The following ARHGAP24 variants were observed in gnomAD, a reference collection of about 807,000 sequenced individuals.
ARHGAP24 encodes Rho GTPase activating protein 24, also known as rho GTPase-activating protein 24.
A neutral mutation model predicts 76.4 loss-of-function variants in ARHGAP24; 50 were observed. The observed-to-expected ratio is 0.65, with a 90% confidence interval of 0.52 to 0.83. ARHGAP24 has a LOEUF of 0.83. Among genes scored for constraint, ARHGAP24 ranks in the 40% least tolerant of loss-of-function variants. ARHGAP24 has a pLI of 0.00. For missense variants in ARHGAP24, 930 were observed against 914.2 expected, an observed-to-expected ratio of 1.02 and a Z score of -0.22; for synonymous variants, 345 against 323.3, an observed-to-expected ratio of 1.07 and a Z score of -0.72.
chr4:85,988,198 G>A (rs780707965), intron 8 of ARHGAP24, among the ~76,000 whole-genome samples: 86 of 151,766 alleles, frequency 5.7e-4, no homozygotes, highest in Non-Finnish European at 1.0e-3. Flanking sequence ...GTGGCAGAAG[G>A]AATATGAGTC....
chr4:85,983,674 T>C (rs904399085), intron 8 of ARHGAP24, among the ~76,000 whole-genome samples: 1 of 152,104 alleles, frequency 6.6e-6, no homozygotes, highest in Non-Finnish European at 1.5e-5. Context: ...GAAAGTTGTT[T>C]TAAAGTACTC....
chr4:85,897,592 G>C (rs946465406), intron 3 of ARHGAP24, among the ~76,000 whole-genome samples: 1 of 152,152 alleles, frequency 6.6e-6, no homozygotes, highest in African/African-American at 2.4e-5. Flanking sequence ...AAAATTAAAA[G>C]GGCTATGAAG....
intron 3 of ARHGAP24, among the ~76,000 whole-genome samples, chr4:85,749,945 T>TCAG (rs1305573652): frequency 7.5e-4 from 114 of 151,764 alleles, no homozygotes; most frequent in African/African-American, 2.7e-3. Flanking sequence ...CTCTGTGGTC[T>TCAG]CAGCAGCAGC....
chr4:85,732,559 C>G (rs1725445347), intron 3 of ARHGAP24, among the ~76,000 whole-genome samples: 1 of 152,056 alleles, frequency 6.6e-6, no homozygotes, highest in South Asian at 2.1e-4. Context: ...ATAATGCATC[C>G]CTAGGACTGT....
Position 85,535,679 on chromosome 4 carries a change from A to G in ARHGAP24, c.-20-34843A>G, listed in dbSNP as rs145315353. Among the ~76,000 whole-genome samples, 1,477 of 152,236 alleles carry G rather than the reference A, an allele frequency of 9.7e-3. 13 individuals are homozygous for G. The highest frequency in any genetic ancestry group is 0.019 in the East Asian group (98 of 5,180). On this transcript the variant is annotated intron_variant, in intron 1 of 9. Coordinates refer to ENST00000395184, the MANE Select transcript of ARHGAP24 (RefSeq NM_001025616.3). ...TTCTTTCCCTCTTCTGCACTCTAAC[A>G]AAGAGACTACGGTGGAGTTTATAGA... is the stretch of plus-strand genomic sequence containing the variant.
chr4:85,887,503 A>G (rs1733626458), intron 3 of ARHGAP24, among the ~76,000 whole-genome samples: 1 of 152,188 alleles, frequency 6.6e-6, no homozygotes, highest in Non-Finnish European at 1.5e-5. Flanking sequence ...TTCCTGCTCT[A>G]TGGATTGGGA....
At chr4:85,761,474 G>A (rs1024025761) in intron 3 of ARHGAP24, among the ~76,000 whole-genome samples, 13 of 152,118 alleles carry the variant, frequency 8.5e-5, no homozygotes, top group African/African-American at 2.2e-4. Context: ...TTCTCCTATT[G>A]ATTCCTCCAA....
rs376951194 is a variant in ARHGAP24, at chr4:85,518,231, G to C, written c.-21+42672G>C. Reference sequence around the variant, plus strand: ...AGCTCAGATAATTAAATATGAAAAAGAATTGGTGCTTAGAGGCAGAAAATC... The same window carrying C: ...AGCTCAGATAATTAAATATGAAAAACAATTGGTGCTTAGAGGCAGAAAATC... On this transcript the variant is annotated intron_variant, in intron 1 of 9. Coordinates refer to ENST00000395184, the MANE Select transcript of ARHGAP24 (RefSeq NM_001025616.3). 3.3e-5 allele frequency among the ~76,000 whole-genome samples: 5 copies of C among 152,198 alleles called. No individual in the cohort carries two copies. In the East Asian group the frequency reaches 9.6e-4, roughly 29 times the overall value.
chr4:85,919,793 G>A (rs906160776), intron 3 of ARHGAP24, among the ~76,000 whole-genome samples: 17 of 152,144 alleles, frequency 1.1e-4, no homozygotes, highest in African/African-American at 4.1e-4. Context: ...ATTGCTCTCT[G>A]AATTGCTAAG....
In ARHGAP24 at chr4:85,905,090, G is replaced by GC; in HGVS notation, c.269-18558_269-18557insC. Among the ~76,000 whole-genome samples the GC allele has an allele frequency of 2.0e-5, 3 of 152,032 alleles. No homozygotes were observed. The East Asian group carries it at 5.8e-4, about 29-fold the overall frequency. On this transcript the variant is annotated intron_variant, in intron 3 of 9. Coordinates refer to ENST00000395184, the MANE Select transcript of ARHGAP24 (RefSeq NM_001025616.3). ...AAGCAATTTGAATTACATTTAATTT[G>GC]TTTTTTCTTCCATTACAAAAAACAT...
In ARHGAP24 at chr4:85,995,406, T is replaced by TG. The variant is rs1196259804; in HGVS notation, c.1758dup (p.Asn587GlufsTer3). ...CCACCTGCCCAGAGCAAGACTTTTT[T>TG]GGGGGGAACTTTGAGGACCCTGTTT... is the stretch of plus-strand genomic sequence containing the variant. On this transcript the variant is annotated frameshift_variant, in exon 9 of 10. Transcript: ENST00000395184. LOFTEE classifies it high-confidence loss of function. 2 of 1,612,770 alleles carry TG rather than the reference T, an allele frequency of 1.2e-6. No individual in the cohort carries two copies. Among genetic ancestry groups the TG allele is most frequent in the Non-Finnish European group, 1.7e-6 (2 of 1,178,944 alleles).
At chr4:85,504,669 A>T (rs1401296461) in intron 1 of ARHGAP24, among the ~76,000 whole-genome samples, 1 of 152,120 alleles carries the variant, frequency 6.6e-6, no homozygotes, top group East Asian at 1.9e-4. Flanking sequence ...TTGACTCTTT[A>T]TCCAGTTTGC....
chr4:85,724,821 G>A (rs561655545), intron 3 of ARHGAP24, among the ~76,000 whole-genome samples: 6 of 151,716 alleles, frequency 4.0e-5, no homozygotes, highest in Admixed American at 3.9e-4. Context: ...TAGATTTTTC[G>A]CTCCAAATTT....
chr4:85,910,310 G>A (rs531925004), intron 3 of ARHGAP24, among the ~76,000 whole-genome samples: 1 of 152,308 alleles, frequency 6.6e-6, no homozygotes, highest in East Asian at 1.9e-4. Flanking sequence ...CCTGCAACGT[G>A]GAGAGCTAAG....
intron 3 of ARHGAP24, among the ~76,000 whole-genome samples, chr4:85,921,066 A>T (rs961688988): frequency 1.3e-5 from 2 of 152,230 alleles, no homozygotes; most frequent in Non-Finnish European, 1.5e-5. Flanking sequence ...TATTATAAAG[A>T]TACATGCACA....
chr4:85,566,893 A>T (rs930793331), intron 1 of ARHGAP24, among the ~76,000 whole-genome samples: 3 of 152,204 alleles, frequency 2.0e-5, no homozygotes, highest in Non-Finnish European at 4.4e-5. Context: ...AAACTTAGAT[A>T]AAAAGGAGTT....
intron 2 of ARHGAP24, among the ~76,000 whole-genome samples, chr4:85,603,628 G>C (rs760280117): frequency 1.3e-5 from 2 of 152,188 alleles, no homozygotes; most frequent in Non-Finnish European, 2.9e-5. Context: ...GTCATCAGTA[G>C]TACAATGTGG....
At chr4:85,737,677 C>G (rs573955414) in intron 3 of ARHGAP24, among the ~76,000 whole-genome samples, 1 of 152,176 alleles carries the variant, frequency 6.6e-6, no homozygotes, top group South Asian at 2.1e-4. Context: ...CATGTACTCA[C>G]TTTCATGACA....
At chr4:85,881,702 A>T (rs1733263606) in intron 3 of ARHGAP24, among the ~76,000 whole-genome samples, 1 of 152,152 alleles carries the variant, frequency 6.6e-6, no homozygotes, top group South Asian at 2.1e-4. Flanking sequence ...GCACCTCCAG[A>T]TTCCAGTTTT....
Sources: allele counts gnomAD v4.1 joint callset (sites outside exome capture counted in the v4.1 genomes callset), GRCh38; gene constraint gnomAD v4.1.1; transcripts MANE v1.5; gene names NCBI Gene and HGNC (gene_info 2026-07-23, HGNC 2026-07-21).